Variants in RYR1 observed in about 807,000 individuals in gnomAD.
RYR1 encodes ryanodine receptor 1, also known as central core disease of muscle.
Under a neutral mutation model 583.5 loss-of-function variants are expected in RYR1, and 342 were observed. The observed-to-expected ratio is 0.59, with a 90% CI of 0.54 to 0.64. The LOEUF is 0.64. Among genes scored for constraint, RYR1 ranks in the 30% least tolerant of loss-of-function variants. RYR1 has a pLI of 0.00. For synonymous variants in RYR1, 2,791 were observed against 2,822.5 expected, an observed-to-expected ratio of 0.99 and a Z score of 0.35; for missense variants, 6,032 against 6,917.2, an observed-to-expected ratio of 0.87 and a Z score of 4.54.
chr19:38,507,281 G>A (rs1358333856), intron 57 of RYR1, among the ~76,000 whole-genome samples: 2 of 149,872 alleles, frequency 1.3e-5, no homozygotes, highest in African/African-American at 4.9e-5. Flanking sequence ...GGACCAAAGA[G>A]GAGAGAAGGC....
chr19:38,511,478 T>C, intron 60 of RYR1, 83 bp from the exon 61 acceptor site: 2 of 1,413,370 alleles, frequency 1.4e-6, no homozygotes, highest in Admixed American at 1.7e-5. Flanking sequence ...CCCTGTCTCC[T>C]CTAATTGGGT....
rs978932263 is a variant in RYR1 at position 38,483,787 on chromosome 19, C to A, written c.4934+271C>A. On this transcript the variant is annotated intron_variant, in intron 33 of 105. Transcript: ENST00000359596. The surrounding 1 kb of genome is among the most constrained non-coding windows in gnomAD (Gnocchi z 6.3). ...CCAGACAATACCCCAAGGACCCAGACCCACTCCACAGGGCCCCAAACCCAT... is the reference window on the plus strand; with the variant it reads ...CCAGACAATACCCCAAGGACCCAGAACCACTCCACAGGGCCCCAAACCCAT... Among the ~76,000 whole-genome samples, 2 of 151,978 alleles carry A rather than the reference C, an allele frequency of 1.3e-5. No homozygotes were observed.
intron 54 of RYR1, 31 bp from the exon 55 acceptor site, chr19:38,506,272 C>T (rs1163958455): frequency 1.2e-6 from 2 of 1,610,204 alleles, no homozygotes; most frequent in Middle Eastern, 1.7e-4. Flanking sequence ...AGCCCATCAG[C>T]CCACCTCCCA....
chr19:38,486,350 A>C, intron 34 of RYR1, 148 bp downstream of exon 34: 1 of 1,109,320 alleles, frequency 9.0e-7, no homozygotes, highest in South Asian at 1.4e-5. Context: ...TCTTTTTATT[A>C]TTATTATTTT....
intron 23 of RYR1, among the ~76,000 whole-genome samples, chr19:38,465,584 G>A (rs1408371736): frequency 2.0e-5 from 3 of 152,110 alleles, no homozygotes; most frequent in African/African-American, 7.2e-5. Flanking sequence ...GACCAACACG[G>A]TGAAACCCAC....
At chr19:38,507,481 G>A (rs1345006347) in intron 57 of RYR1, among the ~76,000 whole-genome samples, 3 of 150,350 alleles carry the variant, frequency 2.0e-5, no homozygotes, top group Non-Finnish European at 4.4e-5. Context: ...ACAGAGGTGG[G>A]GCCAAAGGGG....
Position 38,517,416 on chromosome 19 carries a change from G to A in RYR1, c.9743G>A (p.Arg3248Gln), listed in dbSNP as rs553187437. 20 of 1,614,070 alleles carry A rather than the reference G, an allele frequency of 1.2e-5. No individual in the cohort carries two copies. The highest frequency in any genetic ancestry group is 3.3e-4 in the Middle Eastern group (2 of 6,056). Residue 3248 changes from arginine (R) to glutamine (Q), a missense_variant, in exon 66 of 106, where the codon CGG (arginine) becomes CAG (glutamine). Arg to Gln is a conservative substitution (Grantham distance 43). Around this residue, in one of 11 missense-constraint regions of RYR1, gnomAD observed 1,493 missense variants for 1,715.5 expected, o/e 0.87. Transcript: ENST00000359596. Reference sequence around the variant, plus strand: ...TGTCCCGACATCCCGGTGCTGGAGCGGCTCATGGCAGACATTGGGGGGCTG... The same window carrying A: ...TGTCCCGACATCCCGGTGCTGGAGCAGCTCATGGCAGACATTGGGGGGCTG... ...EMCPDIPVLE[R>Q]LMADIGGLAE... is the part of the protein sequence containing the mutation.
At chr19:38,476,857 A>C (rs552826888) in intron 29 of RYR1, among the ~76,000 whole-genome samples, 3 of 152,218 alleles carry the variant, frequency 2.0e-5, no homozygotes, top group Admixed American at 2.0e-4. Flanking sequence ...TGGAGGATGA[A>C]GTGAGTTAAT....
rs1356990826 is a variant in RYR1 at position 38,587,436 on chromosome 19, C to T, written c.*16C>T. On this transcript the variant is annotated 3_prime_UTR_variant, in exon 106 of 106. Transcript: ENST00000359596. ...GCTTAGCTGACACACCCCCAGCTGG[C>T]CCTCCACCCCCACCTCAAGTGCCTT... 1.9e-6 allele frequency: 3 copies of T among 1,588,676 alleles called. No homozygotes were observed. Among genetic ancestry groups the T allele is most frequent in the Non-Finnish European group, 2.6e-6 (3 of 1,157,196 alleles).
chr19:38,536,367 C>T (rs1217707491), intron 82 of RYR1, among the ~76,000 whole-genome samples: 1 of 149,814 alleles, frequency 6.7e-6, no homozygotes, highest in Non-Finnish European at 1.5e-5. Flanking sequence ...CCAAATGTCA[C>T]GCCCTGGTTG....
Position 38,561,445 on chromosome 19 carries a change from G to C in RYR1, c.12615G>C (p.Glu4205Asp), listed in dbSNP as rs1599626405. Residue 4205 changes from glutamate to aspartate, a missense_variant, in exon 90 of 106, where the codon GAG becomes GAC. By Grantham distance (45) the Glu-to-Asp change is conservative. Transcript: ENST00000359596. This position sits in a 1 kb window ranked among gnomAD's most constrained non-coding sequence, Gnocchi z 4.8. ...CAGAGACCAACCGCGCCCAGTGGGA[G>C]ATGCCCCAGGTCAGGGAACCCGCGC... Reference protein sequence around the residue: ...EISETNRAQWEMPQVKESKRQ... With the variant: ...EISETNRAQWDMPQVKESKRQ... 3 of 1,608,032 alleles carry C rather than the reference G, an allele frequency of 1.9e-6. No individual in the cohort carries two copies. In the East Asian group the frequency reaches 6.7e-5, roughly 36 times the overall value.
chr19:38,471,589 GA>G (rs1314549466), intron 27 of RYR1, among the ~76,000 whole-genome samples: 1 of 150,470 alleles, frequency 6.6e-6, no homozygotes, highest in South Asian at 2.1e-4. Context: ...AAAGAGGAGA[GA>G]AAAAAGACCC....
At chr19:38,569,824 A>G (rs1321607780) in intron 93 of RYR1, among the ~76,000 whole-genome samples, 1 of 152,192 alleles carries the variant, frequency 6.6e-6, no homozygotes, top group Non-Finnish European at 1.5e-5. Flanking sequence ...AGCTCATGCA[A>G]ATAAAGTTCT....
Position 38,444,071 on chromosome 19 carries a change from G to A in RYR1, c.425-78G>A. 1 of 1,271,118 alleles carries A rather than the reference G, an allele frequency of 7.9e-7. No individual in the cohort carries two copies. The highest frequency in any genetic ancestry group is 1.2e-6 in the Non-Finnish European group (1 of 868,972). The allele number at this position is 1,271,118 out of a possible 1,614,324, so 78.7% of individuals were successfully genotyped here. On this transcript the variant is annotated intron_variant, in intron 5 of 105. Coordinates refer to ENST00000359596, the MANE Select transcript of RYR1 (RefSeq NM_000540.3). The surrounding 1 kb of genome is among the most constrained non-coding windows in gnomAD (Gnocchi z 5.1). ...GTGGGCCAAGGGCCCGGGAGGCCTG[G>A]TGGAGGGAGAGCCCTGGGGAAGAGC...
intron 27 of RYR1, among the ~76,000 whole-genome samples, chr19:38,469,739 C>G (rs1968317862): frequency 6.6e-6 from 1 of 151,988 alleles, no homozygotes; most frequent in South Asian, 2.1e-4. Flanking sequence ...GAAACCCTGC[C>G]TGGGCAACAA....
At chr19:38,578,571 G>C (rs1371690547) in intron 99 of RYR1, among the ~76,000 whole-genome samples, 2 of 152,188 alleles carry the variant, frequency 1.3e-5, no homozygotes, top group Non-Finnish European at 2.9e-5. Context: ...GCTGGCTTAC[G>C]CCTGTAGTCC....
chr19:38,503,039 G>A (rs1970269352), intron 49 of RYR1, 69 bp downstream of exon 49: 2 of 1,495,058 alleles, frequency 1.3e-6, no homozygotes, highest in Admixed American at 3.4e-5. Context: ...CCCTCCTACT[G>A]CGGGGCTCAT....
At chr19:38,530,200 C>T (rs868726400) in intron 76 of RYR1, among the ~76,000 whole-genome samples, 2 of 152,070 alleles carry the variant, frequency 1.3e-5, no homozygotes, top group Admixed American at 6.6e-5. Flanking sequence ...GTGATCTTCC[C>T]GCCTTGGCCT....
At chr19:38,563,350 C>G (rs1423005031) in intron 90 of RYR1, among the ~76,000 whole-genome samples, 1 of 152,226 alleles carries the variant, frequency 6.6e-6, no homozygotes, top group Non-Finnish European at 1.5e-5. Flanking sequence ...ACTCAACCTC[C>G]ACCTCCTGGG....
Sources: allele counts gnomAD v4.1 joint callset (sites outside exome capture counted in the v4.1 genomes callset), GRCh38; gene constraint gnomAD v4.1.1; regional missense constraint gnomAD v4.1.1; non-coding constraint Gnocchi (gnomAD v3.1); transcripts MANE v1.5; gene names NCBI Gene and HGNC (gene_info 2026-07-23, HGNC 2026-07-21).